The following DPP10 variants were observed in gnomAD, a reference collection of about 807,000 sequenced individuals.
DPP10 encodes inactive dipeptidyl peptidase 10.
Under a neutral mutation model 120.9 loss-of-function variants are expected in DPP10, and 33 were observed. The observed-to-expected ratio is 0.27, with a 90% CI of 0.21 to 0.37. DPP10 has a LOEUF of 0.37. DPP10 is among the 10% of genes least tolerant of loss of function. DPP10 has a pLI of 1.00. For synonymous variants in DPP10, 337 were observed against 326.1 expected (o/e 1.03, Z -0.36); for missense variants, 816 against 942.8 (o/e 0.87, Z 1.76).
intron 5 of DPP10, among the ~76,000 whole-genome samples, chr2:115,634,536 G>T (rs1304044226): frequency 3.3e-5 from 5 of 152,126 alleles, no homozygotes; most frequent in Non-Finnish European, 7.3e-5. Context: ...TCCACACCTG[G>T]AAGTGTCACC....
intron 1 of DPP10, among the ~76,000 whole-genome samples, chr2:114,818,762 T>A (rs895118417): frequency 1.2e-4 from 19 of 152,272 alleles, no homozygotes; most frequent in African/African-American, 4.6e-4. Flanking sequence ...CTTTACAGAT[T>A]GTATGCTTGT....
At chr2:114,709,428 G>T (rs1248551864) in intron 1 of DPP10, among the ~76,000 whole-genome samples, 1 of 152,114 alleles carries the variant, frequency 6.6e-6, no homozygotes, top group Non-Finnish European at 1.5e-5. Flanking sequence ...TGTAAAAAAT[G>T]CCCTTAAATT....
chr2:114,509,629 A>G (rs1415580179), intron 1 of DPP10, among the ~76,000 whole-genome samples: 1 of 152,164 alleles, frequency 6.6e-6, no homozygotes, highest in Non-Finnish European at 1.5e-5. Context: ...CTCTCTTTAT[A>G]TATCTAAGAA....
rs1685736076 is a variant in DPP10 at position 114,528,999 on chromosome 2, A to AT, written c.60+86162dup. On this transcript the variant is annotated intron_variant, in intron 1 of 25. Transcript: ENST00000410059. ...CCCTATTCTGCCTTGACCTTGACTT[A>AT]TGCCCTCCAAGTGGGTCTGGCTGAG... is the stretch of plus-strand genomic sequence containing the variant. 2.0e-5 allele frequency among the ~76,000 whole-genome samples: 3 copies of AT among 151,954 alleles called. No homozygotes were observed. The South Asian group carries it at 6.2e-4, about 32-fold the overall frequency.
In DPP10 at chr2:115,666,886, G is replaced by A. The variant is rs571839621; in HGVS notation, c.442-22801G>A. ...ACATTCTTACCAACAGTGTATAAGC[G>A]TTCACTTTTCTCTGCAAACTCACCA... On this transcript the variant is annotated intron_variant, in intron 5 of 25. Transcript: ENST00000410059. Among the ~76,000 whole-genome samples, 189 of 152,160 alleles carry A rather than the reference G, an allele frequency of 1.2e-3. 3 individuals carry two copies. Among genetic ancestry groups the A allele is most frequent in the African/African-American group, 2.6e-3 (107 of 41,550 alleles).
At chr2:114,710,134 G>A (rs1034649799) in intron 1 of DPP10, among the ~76,000 whole-genome samples, 5 of 152,306 alleles carry the variant, frequency 3.3e-5, no homozygotes, top group South Asian at 4.1e-4. Flanking sequence ...AAACTACTAA[G>A]GCCTGTGGGC....
At chr2:115,452,813 A>G (rs1200345099) in intron 3 of DPP10, among the ~76,000 whole-genome samples, 1 of 151,922 alleles carries the variant, frequency 6.6e-6, no homozygotes, top group Non-Finnish European at 1.5e-5. Flanking sequence ...AAATATAAGT[A>G]TTGTGTTTCA....
rs149597852 is a variant in DPP10, at chr2:115,528,027, T to C, written c.441+2055T>C. On this transcript the variant is annotated intron_variant, in intron 5 of 25. Coordinates refer to ENST00000410059, the MANE Select transcript of DPP10 (RefSeq NM_020868.6). ...ATTGTGAGTTATGCCACAATAAACA[T>C]ATGTGTGCATGTGTCTTTATAGCAG... Among the ~76,000 whole-genome samples the C allele has an allele frequency of 5.8e-3, 882 of 152,292 alleles. 6 individuals carry two copies. The highest frequency in any genetic ancestry group is 0.031 in the South Asian group (150 of 4,834).
chr2:114,545,600 T>G (rs1687327512), intron 1 of DPP10, among the ~76,000 whole-genome samples: 1 of 152,248 alleles, frequency 6.6e-6, no homozygotes, highest in African/African-American at 2.4e-5. Context: ...TCTTAGACTT[T>G]CTGTGTGAAC....
At chr2:115,453,028 A>G (rs1317131094) in intron 3 of DPP10, among the ~76,000 whole-genome samples, 2 of 151,762 alleles carry the variant, frequency 1.3e-5, no homozygotes, top group South Asian at 2.1e-4. Context: ...GGCATTTCCA[A>G]CTACTTAATA....
chr2:114,655,868 T>C (rs1558972609), intron 1 of DPP10, among the ~76,000 whole-genome samples: 1 of 152,150 alleles, frequency 6.6e-6, no homozygotes, highest in Admixed American at 6.6e-5. Context: ...AGCAATTCCA[T>C]TATTTTTGAT....
intron 5 of DPP10, among the ~76,000 whole-genome samples, chr2:115,577,407 A>G (rs1023290157): frequency 2.0e-5 from 3 of 152,102 alleles, no homozygotes; most frequent in Non-Finnish European, 4.4e-5. Context: ...TAGTTTTTTC[A>G]TTTGTCGATG....
chr2:115,255,995 G>T lies in DPP10; in HGVS notation c.61-53244G>T, dbSNP rs1034818115. Among the ~76,000 whole-genome samples the T allele has an allele frequency of 3.9e-5, 6 of 152,026 alleles. 1 individual carries two copies. Among genetic ancestry groups the T allele is most frequent in the Admixed American group, 3.3e-4 (5 of 15,260 alleles). ...TTCAAAAGCCGCTTCCACGTTTTCG[G>T]GTCTCTTTACGGCAGCACCCAACTT... On this transcript the variant is annotated intron_variant, in intron 1 of 25. Coordinates refer to ENST00000410059, the MANE Select transcript of DPP10 (RefSeq NM_020868.6).
chr2:114,748,136 A>G (rs1406686364), intron 1 of DPP10, among the ~76,000 whole-genome samples: 5 of 152,034 alleles, frequency 3.3e-5, no homozygotes, highest in African/African-American at 1.2e-4. Context: ...TTACAGAAGT[A>G]TATATCCATG....
At chr2:114,957,296 C>CATATATATTTTGTA (rs1400251006) in intron 1 of DPP10, among the ~76,000 whole-genome samples, 1 of 151,740 alleles carries the variant, frequency 6.6e-6, no homozygotes, top group Non-Finnish European at 1.5e-5. Flanking sequence ...CAAGAGAAGA[C>CATATATATTTTGTA]ATATATATTT....
chr2:115,044,399 A>T (rs1704904488), intron 1 of DPP10, among the ~76,000 whole-genome samples: 1 of 152,120 alleles, frequency 6.6e-6, no homozygotes, highest in Non-Finnish European at 1.5e-5. Flanking sequence ...GTTTTAGGGT[A>T]CATGTGCACA....
At chr2:115,205,772 T>C (rs569680575) in intron 1 of DPP10, among the ~76,000 whole-genome samples, 1 of 152,160 alleles carries the variant, frequency 6.6e-6, no homozygotes, top group East Asian at 1.9e-4. Flanking sequence ...CAATTTAACA[T>C]GGAAACAGAA....
chr2:115,585,518 T>C (rs1018528659), intron 5 of DPP10, among the ~76,000 whole-genome samples: 1 of 152,254 alleles, frequency 6.6e-6, no homozygotes, highest in Non-Finnish European at 1.5e-5. Flanking sequence ...TAGCCTCACA[T>C]TGAATAAAAA....
chr2:115,172,991 G>C (rs1380833481), intron 1 of DPP10, among the ~76,000 whole-genome samples: 1 of 152,200 alleles, frequency 6.6e-6, no homozygotes, highest in South Asian at 2.1e-4. Flanking sequence ...TTAAGAAGCT[G>C]CATGGCATCC....
Sources: gnomAD v4.1 joint callset for allele counts (sites outside exome capture counted in the v4.1 genomes callset) on GRCh38, gnomAD v4.1.1 for gene constraint, MANE v1.5 for transcripts, NCBI Gene and HGNC (gene_info 2026-07-23, HGNC 2026-07-21) for gene names.